The following SLC35F1 variants were observed in gnomAD, a reference collection of about 807,000 sequenced individuals.
The protein encoded by SLC35F1 is solute carrier family 35 member F1, also known as chromosome 6 open reading frame 169.
In SLC35F1, 14 loss-of-function variants were observed where a neutral mutation model predicts 48.7. The ratio of observed to expected loss-of-function variants is 0.29; its 90% CI spans 0.19 to 0.45. The LOEUF is 0.45. SLC35F1 is among the 20% of genes least tolerant of loss of function. The pLI is 1.00. For missense variants in SLC35F1, 404 were observed against 500.0 expected, an observed-to-expected ratio of 0.81 and a Z score of 1.83; for synonymous variants, 190 against 202.2, an observed-to-expected ratio of 0.94 and a Z score of 0.51.
At chr6:118,080,656 T>C (rs1772894199) in intron 1 of SLC35F1, among the ~76,000 whole-genome samples, 1 of 152,228 alleles carries the variant, frequency 6.6e-6, no homozygotes, top group South Asian at 2.1e-4. Context: ...AAAATGAAAG[T>C]GCTTGTAGCT....
chr6:118,269,834 G>C (rs932562690), intron 4 of SLC35F1, among the ~76,000 whole-genome samples: 1 of 152,116 alleles, frequency 6.6e-6, no homozygotes, highest in African/African-American at 2.4e-5. Context: ...CCAGGAGTTA[G>C]AGATCAGCCT....
intron 1 of SLC35F1, among the ~76,000 whole-genome samples, chr6:117,964,402 A>G (rs1168760541): frequency 1.3e-5 from 2 of 152,042 alleles, no homozygotes; most frequent in Non-Finnish European, 2.9e-5. Context: ...TCTAGTGCAG[A>G]CTCCACTAGT....
chr6:117,980,776 G>A (rs1292701748), intron 1 of SLC35F1, among the ~76,000 whole-genome samples: 1 of 152,194 alleles, frequency 6.6e-6, no homozygotes. Flanking sequence ...GGACTATTCG[G>A]TTTTTCAAAG....
At chr6:117,941,852 A>G (rs921022044) in intron 1 of SLC35F1, among the ~76,000 whole-genome samples, 6 of 152,226 alleles carry the variant, frequency 3.9e-5, no homozygotes, top group African/African-American at 1.2e-4. Context: ...CCATCCACAT[A>G]TGGAAAACCT....
chr6:118,229,015 C>G (rs554777759), intron 2 of SLC35F1, among the ~76,000 whole-genome samples: 2 of 151,446 alleles, frequency 1.3e-5, no homozygotes, highest in Admixed American at 1.3e-4. Flanking sequence ...ACTCAGACTA[C>G]CCCTGGGGTG....
At chr6:118,034,427 A>G (rs1466063386) in intron 1 of SLC35F1, among the ~76,000 whole-genome samples, 1 of 152,050 alleles carries the variant, frequency 6.6e-6, no homozygotes, top group Non-Finnish European at 1.5e-5. Context: ...GCATTGTGGC[A>G]CATGCCTGTA....
At chr6:118,174,851 G>C (rs1027540218) in intron 2 of SLC35F1, among the ~76,000 whole-genome samples, 6 of 151,768 alleles carry the variant, frequency 4.0e-5, no homozygotes, top group African/African-American at 1.5e-4. Context: ...AGAAACAATA[G>C]AGGCAAGAAG....
rs74877990 is a variant in SLC35F1 at position 117,951,594 on chromosome 6, G to A, written c.173+43695G>A. ...AGTAAAAGTAAAAGAAAACATTTCT[G>A]CAAGTTGAAGGCATGATCTAATTTT... On this transcript the variant is annotated intron_variant, in intron 1 of 7. Coordinates refer to ENST00000360388, the MANE Select transcript of SLC35F1 (RefSeq NM_001029858.4). 2.2e-4 allele frequency among the ~76,000 whole-genome samples: 33 copies of A among 152,312 alleles called. No individual in the cohort carries two copies. The East Asian group carries it at 6.0e-3, about 28-fold the overall frequency.
At chr6:118,280,871 A>C (rs914327411) in intron 6 of SLC35F1, among the ~76,000 whole-genome samples, 15 of 139,118 alleles carry the variant, frequency 1.1e-4, no homozygotes, top group African/African-American at 2.7e-4. Context: ...GTCTGTCCCA[A>C]AAAAAAAAAA....
intron 1 of SLC35F1, among the ~76,000 whole-genome samples, chr6:117,932,017 A>G (rs944082803): frequency 6.6e-6 from 1 of 152,166 alleles, no homozygotes; most frequent in Admixed American, 6.5e-5. Context: ...AGGCCATGAG[A>G]GGTCTGCCCT....
chr6:118,015,649 C>CT (rs1293025778), intron 1 of SLC35F1, among the ~76,000 whole-genome samples: 1 of 152,142 alleles, frequency 6.6e-6, no homozygotes, highest in African/African-American at 2.4e-5. Context: ...TCTTTTCACC[C>CT]ATTCTGAAAA....
At chr6:118,123,548 C>T (rs1051961209) in intron 1 of SLC35F1, among the ~76,000 whole-genome samples, 1 of 152,006 alleles carries the variant, frequency 6.6e-6, no homozygotes, top group African/African-American at 2.4e-5. Context: ...CTTTCTTTGC[C>T]TTTTGCTGTT....
At chr6:118,269,728 T>G (rs1237682482) in intron 4 of SLC35F1, among the ~76,000 whole-genome samples, 2 of 151,978 alleles carry the variant, frequency 1.3e-5, no homozygotes, top group East Asian at 3.9e-4. Context: ...AGAACATAAG[T>G]CAGGCATCCA....
At chr6:117,977,685 T>C (rs1776723065) in intron 1 of SLC35F1, among the ~76,000 whole-genome samples, 1 of 152,102 alleles carries the variant, frequency 6.6e-6, no homozygotes, top group Non-Finnish European at 1.5e-5. Context: ...TATTTCTAGG[T>C]TTGTAGTTTG....
At chr6:118,228,160 C>T (rs1261394631) in intron 2 of SLC35F1, among the ~76,000 whole-genome samples, 1 of 152,094 alleles carries the variant, frequency 6.6e-6, no homozygotes, top group Non-Finnish European at 1.5e-5. Context: ...TGAAAGAAGA[C>T]AAGATAAAAT....
At chr6:118,114,308 C>T (rs1016994204) in intron 1 of SLC35F1, among the ~76,000 whole-genome samples, 2 of 152,122 alleles carry the variant, frequency 1.3e-5, no homozygotes, top group Non-Finnish European at 2.9e-5. Context: ...GGCATGGGTT[C>T]ATGTTCTTGG....
chr6:117,922,642 G>C (rs1775914383), intron 1 of SLC35F1, among the ~76,000 whole-genome samples: 1 of 152,226 alleles, frequency 6.6e-6, no homozygotes, highest in Admixed American at 6.5e-5. Flanking sequence ...CAATCACAGA[G>C]AAGGATGGGA....
intron 1 of SLC35F1, among the ~76,000 whole-genome samples, chr6:118,020,341 C>T (rs2114883816): frequency 6.6e-6 from 1 of 152,302 alleles, no homozygotes; most frequent in East Asian, 1.9e-4. Flanking sequence ...ACTTATTATA[C>T]AGAAGTAAAG....
intron 1 of SLC35F1, among the ~76,000 whole-genome samples, chr6:117,928,545 A>G (rs1776058272): frequency 6.6e-6 from 1 of 152,190 alleles, no homozygotes; most frequent in African/African-American, 2.4e-5. Context: ...CATAATTCTG[A>G]GATGAGAACC....
Sources: gnomAD v4.1 joint callset for allele counts (sites outside exome capture counted in the v4.1 genomes callset) on GRCh38, gnomAD v4.1.1 for gene constraint, MANE v1.5 for transcripts, NCBI Gene and HGNC (gene_info 2026-07-23, HGNC 2026-07-21) for gene names.